The following CNTN5 variants were observed in gnomAD, a reference collection of about 807,000 sequenced individuals.
CNTN5 encodes contactin 5, also known as contactin-5.
CNTN5 carries 77 observed loss-of-function variants against 129.1 expected under a neutral mutation model. That is an observed-to-expected ratio of 0.60 (90% CI 0.50 to 0.72). CNTN5 has a LOEUF of 0.72. CNTN5 is among the 30% of genes least tolerant of loss of function. The pLI, the probability that CNTN5 is intolerant of heterozygous loss-of-function variation, is 0.00. For synonymous variants in CNTN5, 509 were observed against 465.6 expected, an observed-to-expected ratio of 1.09 and a Z score of -1.20; for missense variants, 1,478 against 1,328.8, an observed-to-expected ratio of 1.11 and a Z score of -1.75.
intron 3 of CNTN5, among the ~76,000 whole-genome samples, chr11:99,733,110 G>A (rs1254488623): frequency 6.6e-6 from 1 of 152,060 alleles, no homozygotes; most frequent in African/African-American, 2.4e-5. Context: ...TGGATCACAA[G>A]GTCAGGAGTT....
At chr11:99,635,039 T>C (rs1164173921) in intron 3 of CNTN5, among the ~76,000 whole-genome samples, 1 of 152,206 alleles carries the variant, frequency 6.6e-6, no homozygotes, top group African/African-American at 2.4e-5. Flanking sequence ...GAAGGAATGC[T>C]TCTCACACCA....
chr11:99,577,921 G>T (rs1033512699), intron 3 of CNTN5, among the ~76,000 whole-genome samples: 1 of 151,450 alleles, frequency 6.6e-6, no homozygotes, highest in African/African-American at 2.4e-5. Flanking sequence ...TTGGTGTGCT[G>T]CACCCATTAA....
chr11:99,954,794 A>G (rs1454615750), intron 7 of CNTN5, among the ~76,000 whole-genome samples: 3 of 152,182 alleles, frequency 2.0e-5, no homozygotes, highest in Non-Finnish European at 4.4e-5. Context: ...CAGCTCTTCT[A>G]TTGCGTACTA....
chr11:99,536,181 G>A (rs1241644154), intron 2 of CNTN5, among the ~76,000 whole-genome samples: 1 of 152,026 alleles, frequency 6.6e-6, no homozygotes, highest in African/African-American at 2.4e-5. Flanking sequence ...TCATACTGGT[G>A]GCACTTACTA....
intron 1 of CNTN5, among the ~76,000 whole-genome samples, chr11:99,081,753 T>C (rs1865808032): frequency 6.6e-6 from 1 of 152,186 alleles, no homozygotes; most frequent in African/African-American, 2.4e-5. Flanking sequence ...ACTTTTAAAA[T>C]GCATAGCATG....
intron 2 of CNTN5, among the ~76,000 whole-genome samples, chr11:99,392,655 A>T (rs1049019769): frequency 6.6e-6 from 1 of 151,918 alleles, no homozygotes; most frequent in Non-Finnish European, 1.5e-5. Flanking sequence ...GTGTTTTCTC[A>T]TAATATATCA....
At chr11:99,411,655 C>G (rs1341693730) in intron 2 of CNTN5, among the ~76,000 whole-genome samples, 2 of 152,142 alleles carry the variant, frequency 1.3e-5, no homozygotes, top group African/African-American at 4.8e-5. Flanking sequence ...CTTAATTTGA[C>G]TGTTTCTACT....
chr11:99,998,191 A>G (rs1456934805), intron 8 of CNTN5, among the ~76,000 whole-genome samples: 6 of 151,974 alleles, frequency 3.9e-5, no homozygotes, highest in Non-Finnish European at 7.4e-5. Flanking sequence ...AGGGTCTTCA[A>G]TTAGGAAAAG....
chr11:99,540,669 A>G (rs1299342060), intron 2 of CNTN5, among the ~76,000 whole-genome samples: 2 of 152,188 alleles, frequency 1.3e-5, no homozygotes, highest in South Asian at 2.1e-4. Flanking sequence ...AGGAGCATGA[A>G]TGAAGAGCAT....
At chr11:99,445,408 G>A (rs1347365282) in intron 2 of CNTN5, among the ~76,000 whole-genome samples, 3 of 152,082 alleles carry the variant, frequency 2.0e-5, no homozygotes, top group Admixed American at 2.0e-4. Context: ...TTTAATAACA[G>A]TTAATTTCCT....
At chr11:99,874,011 T>C (rs1465845306) in intron 6 of CNTN5, among the ~76,000 whole-genome samples, 4 of 151,976 alleles carry the variant, frequency 2.6e-5, no homozygotes, top group Non-Finnish European at 5.9e-5. Context: ...AGCTAAACAA[T>C]GGGTAAACAT....
chr11:99,872,245 A>T (rs2135816330), intron 6 of CNTN5, among the ~76,000 whole-genome samples: 1 of 152,188 alleles, frequency 6.6e-6, no homozygotes, highest in East Asian at 1.9e-4. Flanking sequence ...ATGAAAAAAA[A>T]TTTGAAATTG....
At chr11:99,438,603 A>G (rs1156388924) in intron 2 of CNTN5, among the ~76,000 whole-genome samples, 1 of 151,980 alleles carries the variant, frequency 6.6e-6, no homozygotes, top group Non-Finnish European at 1.5e-5. Flanking sequence ...CATTTATTTA[A>G]TTTATAAATA....
intron 1 of CNTN5, among the ~76,000 whole-genome samples, chr11:99,101,368 G>T (rs573043351): frequency 1.3e-5 from 2 of 152,196 alleles, no homozygotes; most frequent in African/African-American, 4.8e-5. Flanking sequence ...AACCAATCTT[G>T]CATTCCCAAC....
intron 11 of CNTN5, 89 bp downstream of exon 11, chr11:100,070,649 C>T: frequency 3.2e-6 from 4 of 1,241,816 alleles, no homozygotes; most frequent in Non-Finnish European, 4.6e-6. Context: ...TTATTGAAAG[C>T]CTTTTCCTGT....
chr11:100,273,684 C>T (rs915204519), intron 18 of CNTN5, among the ~76,000 whole-genome samples: 2 of 152,172 alleles, frequency 1.3e-5, no homozygotes, highest in Non-Finnish European at 2.9e-5. Flanking sequence ...CAGGCCCAAC[C>T]TCAACTGCAT....
At chr11:99,523,684 C>T (rs202126596) in intron 2 of CNTN5, among the ~76,000 whole-genome samples, 886 of 76,270 alleles carry the variant, frequency 0.012, 15 homozygotes, top group African/African-American at 0.051. Flanking sequence ...CAGAACAGAA[C>T]AGAACAGAAC....
At chr11:100,010,361 T>C (rs1446770344) in intron 9 of CNTN5, among the ~76,000 whole-genome samples, 2 of 152,022 alleles carry the variant, frequency 1.3e-5, no homozygotes, top group Non-Finnish European at 2.9e-5. Context: ...AATTAGAACC[T>C]CAGATGTACC....
intron 9 of CNTN5, among the ~76,000 whole-genome samples, chr11:100,044,388 A>C (rs1942552244): frequency 6.6e-6 from 1 of 152,098 alleles, no homozygotes. Context: ...TTCTATGTTT[A>C]GTTATTTGAG....
Sources: gnomAD v4.1 joint callset for allele counts (sites outside exome capture counted in the v4.1 genomes callset) on GRCh38, gnomAD v4.1.1 for gene constraint, MANE v1.5 for transcripts, NCBI Gene and HGNC (gene_info 2026-07-23, HGNC 2026-07-21) for gene names.